CLVS1: variants seen among roughly 807,000 people sequenced by gnomAD.
CLVS1 encodes clavesin-1.
A neutral mutation model predicts 33.1 loss-of-function variants in CLVS1; 10 were observed. That is an observed-to-expected ratio of 0.30 (90% confidence interval 0.19 to 0.51). The LOEUF (loss-of-function observed/expected upper bound fraction) is 0.51, where lower values mean the gene tolerates loss of function less well. Ranked by LOEUF, CLVS1 falls within the 20% of genes least tolerant of loss-of-function variation. The pLI, the probability that CLVS1 is intolerant of heterozygous loss-of-function variation, is 0.97. For missense variants in CLVS1, 343 were observed against 433.4 expected (o/e 0.79, Z 1.85); for synonymous variants, 163 against 166.1 (o/e 0.98, Z 0.14).
At chr8:61,449,962 A>G (rs1306384280) in intron 3 of CLVS1, among the ~76,000 whole-genome samples, 1 of 152,202 alleles carries the variant, frequency 6.6e-6, no homozygotes, top group African/African-American at 2.4e-5. Flanking sequence ...ATATTTTATG[A>G]GAAAATCTTG....
intron 1 of CLVS1, among the ~76,000 whole-genome samples, chr8:61,089,590 G>A (rs568580873): frequency 6.6e-6 from 1 of 152,188 alleles, no homozygotes; most frequent in African/African-American, 2.4e-5. Context: ...CAGGAAATAA[G>A]GTCCTTGGAG....
rs547468034 is a variant in CLVS1, at chr8:61,165,741, G to C, written c.-152+33881G>C. Among the ~76,000 whole-genome samples the C allele has an allele frequency of 9.9e-5, 15 of 152,232 alleles. 1 individual carries two copies. In the South Asian group the frequency reaches 3.1e-3, roughly 32 times the overall value. ...ACTAACCTGCACCCCGACCACCTTG[G>C]GCACATGTTCTCAGGACCTCCTGAG... On this transcript the variant is annotated intron_variant, in intron 2 of 2. Coordinates refer to the CLVS1 transcript ENST00000522621.
chr8:61,199,347 C>T (rs1379014637), intron 2 of CLVS1, among the ~76,000 whole-genome samples: 1 of 151,856 alleles, frequency 6.6e-6, no homozygotes, highest in African/African-American at 2.4e-5. Context: ...AGATATTTGC[C>T]AACTATATCT....
At chr8:60,984,291 G>A in the CLVS1 span, among the ~76,000 whole-genome samples, 1 of 148,996 alleles carries the variant, frequency 6.7e-6, no homozygotes, top group African/African-American at 2.5e-5. Flanking sequence ...AAAAGGTCTA[G>A]TTTTTTTTCT....
At chr8:61,347,661 T>C (rs1403892347) in intron 2 of CLVS1, among the ~76,000 whole-genome samples, 1 of 115,770 alleles carries the variant, frequency 8.6e-6, no homozygotes. Context: ...TATATATATA[T>C]ATATATATAT....
At chr8:61,247,233 T>G (rs1808833133) in intron 2 of CLVS1, among the ~76,000 whole-genome samples, 1 of 152,188 alleles carries the variant, frequency 6.6e-6, no homozygotes, top group Non-Finnish European at 1.5e-5. Context: ...GTCTTTGATA[T>G]CATGAAGAGT....
chr8:61,008,221 T>C, the CLVS1 span, among the ~76,000 whole-genome samples: 1 of 136,364 alleles, frequency 7.3e-6, no homozygotes, highest in East Asian at 2.0e-4. Context: ...TCCTCCACAT[T>C]TAAGCTTTGT....
intron 3 of CLVS1, among the ~76,000 whole-genome samples, chr8:61,389,615 AG>A (rs1456253338): frequency 1.3e-5 from 2 of 152,220 alleles, no homozygotes; most frequent in African/African-American, 4.8e-5. Flanking sequence ...AACTGAAGCT[AG>A]AAAGCACTAT....
In CLVS1 at chr8:61,447,112, G is replaced by T. The variant is rs79793464; in HGVS notation, c.631-7029G>T. 3.6e-3 allele frequency among the ~76,000 whole-genome samples: 555 copies of T among 152,190 alleles called. 2 individuals are homozygous for T. The highest frequency in any genetic ancestry group is 0.012 in the African/African-American group (506 of 41,546). The stretch of plus-strand genomic sequence containing the variant: ...TATCAATTGACTTCTGCTGATTAAT[G>T]ATGTTGAGTTCTTCTATATCCTTGC... On this transcript the variant is annotated intron_variant, in intron 3 of 5. Coordinates refer to ENST00000325897, the MANE Select transcript of CLVS1 (RefSeq NM_173519.3).
At chr8:61,312,982 A>T (rs767498551) in intron 2 of CLVS1, among the ~76,000 whole-genome samples, 4 of 152,174 alleles carry the variant, frequency 2.6e-5, no homozygotes, top group African/African-American at 9.7e-5. Flanking sequence ...ATCATTCAGC[A>T]TTACTTTCCT....
chr8:61,327,936 A>G (rs1386122543), intron 2 of CLVS1, among the ~76,000 whole-genome samples: 2 of 152,122 alleles, frequency 1.3e-5, no homozygotes, highest in African/African-American at 4.8e-5. Flanking sequence ...AAAAGTCCCT[A>G]CTCTAAAGAC....
the CLVS1 span, among the ~76,000 whole-genome samples, chr8:61,018,267 G>T: frequency 6.6e-6 from 1 of 152,302 alleles, no homozygotes; most frequent in East Asian, 1.9e-4. Context: ...TCCAAATTTC[G>T]TGTTATTTTC....
intron 4 of CLVS1, 85 bp downstream of exon 4, chr8:61,454,336 C>G (rs529075091): frequency 3.3e-5 from 32 of 969,252 alleles, no homozygotes; most frequent in African/African-American, 1.8e-4. Flanking sequence ...TCCTTTCCCC[C>G]CTTTTTCTCT....
the CLVS1 span, among the ~76,000 whole-genome samples, chr8:60,971,559 A>G: frequency 1.3e-5 from 2 of 152,188 alleles, no homozygotes; most frequent in East Asian, 3.9e-4. Flanking sequence ...TTTCATGATA[A>G]AGGCTTCCAG....
intron 2 of CLVS1, among the ~76,000 whole-genome samples, chr8:61,225,567 AG>A (rs1808308285): frequency 6.6e-6 from 1 of 152,182 alleles, no homozygotes; most frequent in Non-Finnish European, 1.5e-5. Flanking sequence ...TCAGCTCCAA[AG>A]GGATTTTTCT....
the CLVS1 span, among the ~76,000 whole-genome samples, chr8:60,999,117 A>T: frequency 2.0e-5 from 3 of 152,062 alleles, no homozygotes; most frequent in African/African-American, 7.3e-5. Context: ...AGCATTTGAG[A>T]TCCAAATCTC....
chr8:61,127,088 T>C (rs990200157), intron 1 of CLVS1, among the ~76,000 whole-genome samples: 2 of 152,092 alleles, frequency 1.3e-5, no homozygotes, highest in Non-Finnish European at 2.9e-5. Flanking sequence ...AAAGCGTGAG[T>C]TAGTAACTGT....
chr8:61,383,277 GACAATTGAGGGATGA>G (rs1483750021), intron 3 of CLVS1, among the ~76,000 whole-genome samples: 2 of 151,120 alleles, frequency 1.3e-5, no homozygotes, highest in Non-Finnish European at 3.0e-5. Flanking sequence ...ATTATCACCT[GACAATTGAGGGATGA>G]ATCCTTTCCC....
At chr8:61,250,862 C>G (rs1274423434) in intron 2 of CLVS1, among the ~76,000 whole-genome samples, 1 of 152,220 alleles carries the variant, frequency 6.6e-6, no homozygotes, top group South Asian at 2.1e-4. Context: ...CATCTGCAAA[C>G]AGAGACAATT....
Sources: allele counts gnomAD v4.1 joint callset (sites outside exome capture counted in the v4.1 genomes callset), GRCh38; gene constraint gnomAD v4.1.1; transcripts MANE v1.5; gene names NCBI Gene and HGNC (gene_info 2026-07-23, HGNC 2026-07-21).